RHOBTB2: variants seen among roughly 807,000 people sequenced by gnomAD.
The protein encoded by RHOBTB2 is rho-related BTB domain-containing protein 2.
In RHOBTB2, 39 loss-of-function variants were observed where a neutral mutation model predicts 66.5. The observed-to-expected ratio is 0.59, with a 90% CI of 0.45 to 0.77. The LOEUF is 0.77. Among genes scored for constraint, RHOBTB2 ranks in the 30% least tolerant of loss-of-function variants. The pLI, the probability that RHOBTB2 is intolerant of heterozygous loss-of-function variation, is 0.00. For synonymous variants in RHOBTB2, 390 were observed against 395.0 expected (o/e 0.99, Z 0.15); for missense variants, 755 against 999.1 (o/e 0.76, Z 3.29).
upstream of RHOBTB2, among the ~76,000 whole-genome samples, chr8:22,987,049 G>A (rs1164841190): frequency 2.0e-5 from 3 of 152,264 alleles, no homozygotes; most frequent in Admixed American, 6.5e-5. Context: ...AATTACTGGT[G>A]GGGTTGAAGC....
chr8:22,983,311 T>C (rs1373911675), upstream of RHOBTB2, among the ~76,000 whole-genome samples: 4 of 147,302 alleles, frequency 2.7e-5, no homozygotes, highest in East Asian at 7.9e-4. Flanking sequence ...CTTGATCCAG[T>C]GAAAGACAGT....
chr8:22,971,797 C>T, the RHOBTB2 span, among the ~76,000 whole-genome samples: 190 of 152,276 alleles, frequency 1.2e-3, no homozygotes, highest in African/African-American at 4.2e-3. Flanking sequence ...GATTCATCTT[C>T]TTACTTTCTG....
chr8:23,014,087 T>A (rs1811220766), intron 7 of RHOBTB2, among the ~76,000 whole-genome samples: 2 of 152,202 alleles, frequency 1.3e-5, no homozygotes, highest in African/African-American at 2.4e-5. Flanking sequence ...CTGGGATGAC[T>A]GTTGTTTCTA....
intron 1 of RHOBTB2, among the ~76,000 whole-genome samples, 159 bp downstream of exon 1, chr8:23,000,264 C>A (rs11988051): frequency 0.065 from 9,973 of 152,284 alleles, 1,093 homozygotes; most frequent in African/African-American, 0.23. Context: ...GGGGCTGGAG[C>A]CTAATCCTTT....
At chr8:22,960,181 T>TAAA in the RHOBTB2 span, among the ~76,000 whole-genome samples, 62 of 142,316 alleles carry the variant, frequency 4.4e-4, no homozygotes, top group Middle Eastern at 3.6e-3. Flanking sequence ...AGACTCCATC[T>TAAA]AAAAAAAAAA....
In RHOBTB2 at chr8:23,014,742, C is replaced by T. The variant is rs756100847; in HGVS notation, c.1824C>T (p.Ile608=). Residue 608 remains isoleucine, a synonymous_variant, in exon 8 of 10, where the codon ATC becomes ATT. Coordinates refer to ENST00000251822, the MANE Select transcript of RHOBTB2 (RefSeq NM_015178.3). ...AAGCGACCCAGATGATGGTGGACAT[C>T]GATGGGGACGTCCTTGTGTTCCTGG... ...LMEATQMMVD[I]DGDVLVFLEL... 2.3e-4 allele frequency: 373 copies of T among 1,613,998 alleles called. 2 individuals carry two copies. The highest frequency in any genetic ancestry group is 2.9e-4 in the Non-Finnish European group (341 of 1,179,992).
At chr8:22,991,202 C>T (rs1379120575) in intron 1 of RHOBTB2, among the ~76,000 whole-genome samples, 1 of 152,130 alleles carries the variant, frequency 6.6e-6, no homozygotes, top group Non-Finnish European at 1.5e-5. Flanking sequence ...GGCTTCTCAT[C>T]ACTGTCAGCA....
At chr8:23,013,554 G>A (rs916507716) in intron 7 of RHOBTB2, among the ~76,000 whole-genome samples, 2 of 151,948 alleles carry the variant, frequency 1.3e-5, no homozygotes, top group Non-Finnish European at 2.9e-5. Context: ...GGAGTATAGT[G>A]ATGTGATCTC....
Position 23,004,889 on chromosome 8 carries a change from A to G in RHOBTB2, c.192+263A>G, listed in dbSNP as rs1810901554. 7.4e-6 allele frequency: 4 copies of G among 543,454 alleles called. No homozygotes were observed. Among genetic ancestry groups the G allele is most frequent in the South Asian group, 2.0e-5 (1 of 48,798 alleles). 33.7% of individuals were successfully genotyped at this position (543,454 alleles called of 1,614,324 possible). ...ATCTTTGTCTGGGGTACCGCATTGT[A>G]TGTAGTCACAGCCTTAAGTAATGGG... On this transcript the variant is annotated intron_variant, in intron 2 of 9. Transcript: ENST00000251822. This position sits in a 1 kb window ranked among gnomAD's most constrained non-coding sequence, Gnocchi z 6.4.
rs765906319 is a variant in RHOBTB2, at chr8:23,006,962, G to GC, written c.722dup (p.Ile242AspfsTer53). 2 of 1,610,886 alleles carry GC rather than the reference G, an allele frequency of 1.2e-6. No individual in the cohort carries two copies. The highest frequency in any genetic ancestry group is 1.7e-6 in the Non-Finnish European group (2 of 1,179,874). ...CACCCTTCCTACCCCCCAAGCCACC[G>GC]CCCCCGATCATCGTGGTGCCCGACC... On this transcript the variant is annotated frameshift_variant, in exon 5 of 10. Transcript: ENST00000251822. LOFTEE classifies it high-confidence loss of function. The surrounding 1 kb of genome is among the most constrained non-coding windows in gnomAD (Gnocchi z 6.1).
At chr8:23,000,186 C>A in intron 1 of RHOBTB2, 81 bp downstream of exon 1, 3 of 930,584 alleles carry the variant, frequency 3.2e-6, no homozygotes, top group Non-Finnish European at 3.8e-6. Flanking sequence ...CCTGCCCTGC[C>A]GCGCCCCTCG....
chr8:22,951,184 T>A, the RHOBTB2 span, among the ~76,000 whole-genome samples: 26 of 147,840 alleles, frequency 1.8e-4, no homozygotes, highest in Admixed American at 1.1e-3. Context: ...GGTTTAAAAA[T>A]TTTTTTTTCC....
upstream of RHOBTB2, chr8:22,994,577 C>T (rs1313016945): frequency 1.3e-6 from 2 of 1,551,298 alleles, no homozygotes; most frequent in East Asian, 4.9e-5. Flanking sequence ...GGAGGGAACA[C>T]AGAGCGATGC....
the RHOBTB2 span, among the ~76,000 whole-genome samples, chr8:22,962,241 G>A: frequency 3.2e-4 from 12 of 37,714 alleles, no homozygotes; most frequent in Admixed American, 5.6e-4. Flanking sequence ...AACCCACAAA[G>A]AGATAAATTA....
At chr8:22,955,271 T>C in the RHOBTB2 span, among the ~76,000 whole-genome samples, 15 of 152,242 alleles carry the variant, frequency 9.9e-5, no homozygotes, top group South Asian at 3.1e-3. Flanking sequence ...GGGGAAGCTC[T>C]AGGAAGAGAC....
chr8:22,981,142 T>G, the RHOBTB2 span, among the ~76,000 whole-genome samples: 1 of 152,258 alleles, frequency 6.6e-6, no homozygotes, highest in South Asian at 2.1e-4. Context: ...ATAAAAGGTC[T>G]GCTTGTCAGA....
chr8:22,964,385 G>A, the RHOBTB2 span, among the ~76,000 whole-genome samples: 1 of 152,274 alleles, frequency 6.6e-6, no homozygotes, highest in East Asian at 1.9e-4. Flanking sequence ...AGCAGACCAT[G>A]TTCTGTGGGG....
Position 23,006,934 on chromosome 8 carries a change from A to G in RHOBTB2, c.689A>G (p.Gln230Arg). The G allele has an allele frequency of 6.2e-7, 1 of 1,613,348 alleles. No individual in the cohort carries two copies. Among genetic ancestry groups the G allele is most frequent in the Non-Finnish European group, 8.5e-7 (1 of 1,180,000 alleles). The change falls in exon 5 of 10, where the codon CAG (glutamine) becomes CGG (arginine). Residue 230 changes from glutamine (Q) to arginine (R), a missense_variant. Coordinates refer to ENST00000251822, the MANE Select transcript of RHOBTB2 (RefSeq NM_015178.3). This position sits in a 1 kb window ranked among gnomAD's most constrained non-coding sequence, Gnocchi z 6.1. Reference sequence around the variant, plus strand: ...CGCAATGTGCAGCGGCCTCTGCTGCAGGCACCCTTCCTACCCCCCAAGCCA... The same window carrying G: ...CGCAATGTGCAGCGGCCTCTGCTGCGGGCACCCTTCCTACCCCCCAAGCCA... ...HLRNVQRPLL[Q>R]APFLPPKPPP... is the part of the protein sequence containing the mutation.
the RHOBTB2 span, among the ~76,000 whole-genome samples, chr8:22,982,368 C>T: frequency 1.3e-5 from 2 of 152,212 alleles, no homozygotes; most frequent in Admixed American, 6.5e-5. Context: ...TGCCTGTAAT[C>T]CCAGCACTTT....
Sources: allele counts gnomAD v4.1 joint callset (sites outside exome capture counted in the v4.1 genomes callset), GRCh38; gene constraint gnomAD v4.1.1; non-coding constraint Gnocchi (gnomAD v3.1); transcripts MANE v1.5; gene names NCBI Gene and HGNC (gene_info 2026-07-23, HGNC 2026-07-21).